Variants in EIF3J observed in about 807,000 individuals in gnomAD.
The protein encoded by EIF3J is eukaryotic translation initiation factor 3 subunit J, also known as eukaryotic translation initiation factor 3, subunit 1 (alpha, 35kD).
EIF3J carries 15 observed loss-of-function variants against 39.0 expected under a neutral mutation model. The ratio of observed to expected loss-of-function variants is 0.38; its 90% CI spans 0.26 to 0.59. The LOEUF (loss-of-function observed/expected upper bound fraction) is 0.59. EIF3J is among the 20% of genes least tolerant of loss of function. The probability of loss-of-function intolerance (pLI) is 0.60; values close to 1 mark genes in which losing one functional copy is unlikely to be tolerated. For missense variants in EIF3J, 226 were observed against 308.6 expected (o/e 0.73, Z 2.00); for synonymous variants, 98 against 112.9 (o/e 0.87, Z 0.84).
At chr15:44,560,656 AT>A (rs370155463) in intron 7 of EIF3J, 2 of 342,518 alleles carry the variant, frequency 5.8e-6, no homozygotes, top group East Asian at 1.0e-4. Context: ...CAGAGTATTT[AT>A]AAGAGTAAAG....
chr15:44,541,752 T>C (rs2082016363), intron 2 of EIF3J, among the ~76,000 whole-genome samples: 1 of 152,226 alleles, frequency 6.6e-6, no homozygotes, highest in Non-Finnish European at 1.5e-5. Context: ...AGAGAGTGTG[T>C]GTATGTGTAA....
intron 2 of EIF3J, among the ~76,000 whole-genome samples, chr15:44,541,126 T>C (rs1177388565): frequency 6.6e-6 from 1 of 152,194 alleles, no homozygotes; most frequent in Non-Finnish European, 1.5e-5. Context: ...CCTGGCTTTA[T>C]TTACCTTTTT....
At position 44,561,947 on chromosome 15, in the gene EIF3J, T is replaced by G. The variant is rs1204699624; in HGVS notation, c.*798T>G. On this transcript the variant is annotated 3_prime_UTR_variant, in exon 8 of 8. Transcript: ENST00000261868. ...ACAACTTTACCAGGGTTTTGGCATT[T>G]CCTTTCCTTTCCTTTATAAAACATG... 1.3e-5 allele frequency: 2 copies of G among 149,420 alleles called. No individual in the cohort carries two copies. The highest frequency in any genetic ancestry group is 5.2e-5 in the African/African-American group (2 of 38,390). The allele number at this position is 149,420 out of a possible 1,614,324, so 9.3% of individuals were successfully genotyped here. A position where few individuals can be genotyped will look rare whatever the true frequency, so the allele number is the denominator to read the frequency against.
At chr15:44,547,571 C>G (rs2082065216) in intron 2 of EIF3J, among the ~76,000 whole-genome samples, 1 of 151,564 alleles carries the variant, frequency 6.6e-6, no homozygotes, top group African/African-American at 2.4e-5. Context: ...TGCCTCAGCC[C>G]CCAAGTAGTT....
chr15:44,548,823 A>G (rs1344849727), intron 2 of EIF3J, among the ~76,000 whole-genome samples: 3 of 152,072 alleles, frequency 2.0e-5, no homozygotes, highest in Non-Finnish European at 4.4e-5. Context: ...TTTCTAAAAG[A>G]CCCTACTTCT....
intron 2 of EIF3J, among the ~76,000 whole-genome samples, chr15:44,541,807 A>G (rs932662843): frequency 4.6e-5 from 7 of 152,214 alleles, no homozygotes; most frequent in African/African-American, 1.7e-4. Context: ...ACATTTAATA[A>G]ACCAGTGACC....
intron 2 of EIF3J, among the ~76,000 whole-genome samples, chr15:44,539,117 C>T (rs2081986698): frequency 6.6e-6 from 1 of 150,838 alleles, no homozygotes; most frequent in Non-Finnish European, 1.5e-5. Flanking sequence ...ACCTCCACCT[C>T]CTGGGTTCAA....
intron 2 of EIF3J, among the ~76,000 whole-genome samples, chr15:44,542,784 C>T (rs539445202): frequency 3.9e-5 from 6 of 152,236 alleles, no homozygotes; most frequent in East Asian, 1.9e-4. Flanking sequence ...TATAAACAGG[C>T]CCTATTCTAA....
At chr15:44,542,725 A>C (rs985360663) in intron 2 of EIF3J, among the ~76,000 whole-genome samples, 4 of 152,248 alleles carry the variant, frequency 2.6e-5, no homozygotes, top group African/African-American at 9.6e-5. Context: ...AAATAGCTTA[A>C]ATGATGGGTG....
rs1318060669 is a variant in EIF3J, at chr15:44,537,320, G to T, written c.44-4G>T. 2 of 1,561,578 alleles carry T rather than the reference G, an allele frequency of 1.3e-6. No homozygotes were observed. The highest frequency in any genetic ancestry group is 2.4e-5 in the East Asian group (1 of 41,690). ...GCACTAACACGGCTCGCTTTCTTCCGTAGACGCCGACGCTTTCTCCGTGGA... is the reference window on the plus strand; with the variant it reads ...GCACTAACACGGCTCGCTTTCTTCCTTAGACGCCGACGCTTTCTCCGTGGA... On this transcript the variant is annotated splice_region_variant and splice_polypyrimidine_tract_variant and intron_variant, in intron 1 of 7. Coordinates refer to ENST00000261868, the MANE Select transcript of EIF3J (RefSeq NM_003758.4).
At chr15:44,544,178 C>T (rs2082034523) in intron 2 of EIF3J, among the ~76,000 whole-genome samples, 2 of 150,718 alleles carry the variant, frequency 1.3e-5, no homozygotes, top group Admixed American at 1.3e-4. Context: ...ACTGCAACCT[C>T]TGCCTCCCGG....
rs2082210793 is a variant in EIF3J, at chr15:44,562,416, A to T, written c.*1267A>T. On this transcript the variant is annotated 3_prime_UTR_variant, in exon 8 of 8. Coordinates refer to ENST00000261868, the MANE Select transcript of EIF3J (RefSeq NM_003758.4). ...AAGTATAGATTGGGGAATCTTTATTATGTCTTCTCCTAAGCAGTTTAACCA... is the reference window on the plus strand; with the variant it reads ...AAGTATAGATTGGGGAATCTTTATTTTGTCTTCTCCTAAGCAGTTTAACCA... 1.3e-5 allele frequency: 2 copies of T among 152,598 alleles called. No homozygotes were observed. Among genetic ancestry groups the T allele is most frequent in the African/African-American group, 4.8e-5 (2 of 41,446 alleles). 9.5% of individuals were successfully genotyped at this position (152,598 alleles called of 1,614,324 possible).
rs2082016295 is a variant in EIF3J at position 44,541,747 on chromosome 15, G to T, written c.147+4320G>T. 2.0e-5 allele frequency among the ~76,000 whole-genome samples: 3 copies of T among 152,206 alleles called. No individual in the cohort carries two copies. In the South Asian group the frequency reaches 6.2e-4, roughly 32 times the overall value. ...CCAGAAAATGGGTATTTTGAAGAGA[G>T]TGTGTGTATGTGTAACTTAAGAAAA... On this transcript the variant is annotated intron_variant, in intron 2 of 7. Coordinates refer to ENST00000261868, the MANE Select transcript of EIF3J (RefSeq NM_003758.4).
In EIF3J at chr15:44,562,528, C is replaced by T. The variant is rs1011852470; in HGVS notation, c.*1379C>T. 1.3e-5 allele frequency: 2 copies of T among 152,542 alleles called. No homozygotes were observed. Among genetic ancestry groups the T allele is most frequent in the African/African-American group, 4.8e-5 (2 of 41,384 alleles). The allele number at this position is 152,542 out of a possible 1,614,324, so 9.4% of individuals were successfully genotyped here. ...TCTCTTATATAGGAAATAATAGGAA[C>T]GTCAAAGCTCTGTATACCTACTAAG... On this transcript the variant is annotated 3_prime_UTR_variant, in exon 8 of 8. Transcript: ENST00000261868.
chr15:44,550,445 C>T (rs1033543139), intron 2 of EIF3J, among the ~76,000 whole-genome samples: 3 of 151,854 alleles, frequency 2.0e-5, no homozygotes, highest in Non-Finnish European at 4.4e-5. Flanking sequence ...GCACATGCCA[C>T]GTTGCCCAGT....
At position 44,551,508 on chromosome 15, in the gene EIF3J, G is replaced by A; in HGVS notation, c.280G>A (p.Glu94Lys). The change falls in exon 4 of 8, where the codon GAA becomes AAA. Residue 94 changes from glutamate to lysine, a missense_variant. By Grantham distance (56) the Glu-to-Lys change is moderately conservative. Around this residue, in one of 2 missense-constraint regions of EIF3J, gnomAD observed 143 missense variants for 156.0 expected, o/e 0.92. Transcript: ENST00000261868. ...ACGGCAACAGAAGAAAAGGCAAGAA[G>A]AAATTAAAAAGAGGGTAAATTCTGT... ...KERQQKKRQEEIKKRLEEPEE... is the reference protein window; with the variant it reads ...KERQQKKRQEKIKKRLEEPEE... 6.3e-7 allele frequency: 1 copy of A among 1,589,518 alleles called. No individual in the cohort carries two copies. The highest frequency in any genetic ancestry group is 1.8e-5 in the Admixed American group (1 of 54,828).
In EIF3J at chr15:44,537,384, G is replaced by T. The variant is rs777635900; in HGVS notation, c.104G>T (p.Gly35Val). Residue 35 changes from glycine to valine, a missense_variant, in exon 2 of 8, where the codon GGC becomes GTC. This residue lies in a region of EIF3J where 143 missense variants were observed against 156.0 expected (regional missense o/e 0.92). Coordinates refer to ENST00000261868, the MANE Select transcript of EIF3J (RefSeq NM_003758.4). ...AAGGTGGGGGGCGGCGGCACTGCCG[G>T]CGGGGACCGCTGGGAAGGCGAGGAC... ...VRKVGGGGTA[G>V]GDRWEGEDED... is the part of the protein sequence containing the mutation. 52 of 1,566,654 alleles carry T rather than the reference G, an allele frequency of 3.3e-5. No individual in the cohort carries two copies. Among genetic ancestry groups the T allele is most frequent in the Non-Finnish European group, 4.2e-5 (49 of 1,155,536 alleles).
chr15:44,548,901 A>G (rs1213265395), intron 2 of EIF3J, among the ~76,000 whole-genome samples: 5 of 152,156 alleles, frequency 3.3e-5, no homozygotes, highest in South Asian at 2.1e-4. Context: ...TAGCCCAGGG[A>G]AAAAAACCAT....
intron 2 of EIF3J, among the ~76,000 whole-genome samples, chr15:44,545,653 T>C (rs1051754225): frequency 1.1e-4 from 16 of 152,232 alleles, no homozygotes; most frequent in Non-Finnish European, 4.4e-5. Flanking sequence ...ACATTGTAAT[T>C]ACCATTTCAT....
Sources: allele counts gnomAD v4.1 joint callset (sites outside exome capture counted in the v4.1 genomes callset), GRCh38; gene constraint gnomAD v4.1.1; regional missense constraint gnomAD v4.1.1; transcripts MANE v1.5; gene names NCBI Gene and HGNC (gene_info 2026-07-23, HGNC 2026-07-21).